The following EYS variants were observed in gnomAD, a reference collection of about 807,000 sequenced individuals.
EYS encodes EGF-like photoreceptor maintenance factor, also known as protein eyes shut homolog.
A neutral mutation model predicts 282.1 loss-of-function variants in EYS; 250 were observed. The observed-to-expected ratio is 0.89, with a 90% CI of 0.80 to 0.98. The LOEUF (loss-of-function observed/expected upper bound fraction) is 0.98. Ranked by LOEUF, EYS falls within the 50% of genes least tolerant of loss-of-function variation. EYS has a pLI of 0.00. For synonymous variants in EYS, 1,355 were observed against 1,282.9 expected (o/e 1.06, Z -1.20); for missense variants, 4,016 against 3,709.0 (o/e 1.08, Z -2.15).
chr6:65,480,598 A>T (rs1420823436), intron 5 of EYS, among the ~76,000 whole-genome samples: 1 of 152,154 alleles, frequency 6.6e-6, no homozygotes, highest in Non-Finnish European at 1.5e-5. Flanking sequence ...TGCATATTAA[A>T]TAGTAGTTAA....
chr6:65,167,136 T>C (rs1320525847), intron 12 of EYS, among the ~76,000 whole-genome samples: 3 of 151,194 alleles, frequency 2.0e-5, no homozygotes, highest in African/African-American at 7.3e-5. Flanking sequence ...TTGGCAGTCC[T>C]TCACAATGTT....
At chr6:64,446,459 A>T (rs1162428787) in intron 26 of EYS, among the ~76,000 whole-genome samples, 2 of 152,148 alleles carry the variant, frequency 1.3e-5, no homozygotes, top group Admixed American at 6.5e-5. Context: ...TTTCTCTCAG[A>T]TTAATTATGA....
At chr6:64,130,249 G>A (rs1479663151) in intron 31 of EYS, among the ~76,000 whole-genome samples, 8 of 152,166 alleles carry the variant, frequency 5.3e-5, no homozygotes, top group African/African-American at 1.2e-4. Flanking sequence ...AACAACGATC[G>A]ACTGGATTAA....
At chr6:65,254,175 T>C (rs915044043) in intron 12 of EYS, among the ~76,000 whole-genome samples, 12 of 151,830 alleles carry the variant, frequency 7.9e-5, no homozygotes, top group Non-Finnish European at 1.5e-4. Flanking sequence ...AGCAGTTGAG[T>C]ATTGCTCTTT....
chr6:64,796,108 A>G (rs1465122028), intron 22 of EYS, among the ~76,000 whole-genome samples: 1 of 152,212 alleles, frequency 6.6e-6, no homozygotes, highest in Non-Finnish European at 1.5e-5. Flanking sequence ...TCTGGATGTT[A>G]TTGAGGCAGT....
At chr6:64,623,489 T>C (rs1045846802) in intron 23 of EYS, among the ~76,000 whole-genome samples, 5 of 152,102 alleles carry the variant, frequency 3.3e-5, no homozygotes, top group African/African-American at 1.2e-4. Flanking sequence ...ACTTAATTAG[T>C]TAATACATCT....
intron 30 of EYS, among the ~76,000 whole-genome samples, chr6:64,259,647 C>T (rs1051765524): frequency 2.9e-5 from 2 of 68,236 alleles, no homozygotes; most frequent in Non-Finnish European, 6.6e-5. Context: ...CTTTTACACA[C>T]GCGCACACAC....
intron 29 of EYS, chr6:64,377,743 A>G (rs1225680241): frequency 1.3e-5 from 2 of 152,122 alleles, no homozygotes; most frequent in Non-Finnish European, 2.9e-5. Context: ...ATGATCTTAC[A>G]TGGCTGAAAC....
intron 2 of EYS, among the ~76,000 whole-genome samples, chr6:65,514,691 A>G (rs571844843): frequency 6.6e-6 from 1 of 152,368 alleles, no homozygotes; most frequent in East Asian, 1.9e-4. Context: ...TGATGGGGAA[A>G]GGACTCCCTA....
chr6:64,603,189 T>C (rs1054969897), intron 24 of EYS, among the ~76,000 whole-genome samples: 3 of 152,042 alleles, frequency 2.0e-5, no homozygotes, highest in Non-Finnish European at 4.4e-5. Flanking sequence ...GGAAAAAAAG[T>C]GCTTACAGGA....
intron 22 of EYS, among the ~76,000 whole-genome samples, chr6:64,702,381 A>G (rs893352659): frequency 5.9e-5 from 9 of 152,118 alleles, no homozygotes; most frequent in African/African-American, 2.2e-4. Context: ...ACATGCACAC[A>G]TGCACAAACA....
intron 28 of EYS, among the ~76,000 whole-genome samples, chr6:64,427,510 T>C (rs753174257): frequency 2.3e-4 from 35 of 152,128 alleles, no homozygotes; most frequent in Admixed American, 5.9e-4. Context: ...TATTGTTGTA[T>C]TGATTTAACT....
chr6:64,518,450 A>G (rs1367591669), intron 26 of EYS, among the ~76,000 whole-genome samples: 3 of 151,754 alleles, frequency 2.0e-5, no homozygotes, highest in Admixed American at 6.6e-5. Context: ...GTAAGTTGAA[A>G]TGTATGGTAT....
intron 5 of EYS, among the ~76,000 whole-genome samples, chr6:65,418,025 G>A (rs1423401866): frequency 1.3e-5 from 2 of 151,964 alleles, no homozygotes; most frequent in African/African-American, 4.8e-5. Context: ...AGGGCTCCCA[G>A]AGCACTGAAT....
intron 2 of EYS, among the ~76,000 whole-genome samples, chr6:65,530,149 T>C (rs544235223): frequency 3.3e-4 from 50 of 152,322 alleles, no homozygotes; most frequent in Middle Eastern, 3.4e-3. Context: ...AAGATTAATA[T>C]AATGAGATAA....
chr6:65,046,957 C>T lies in EYS; in HGVS notation c.2137+10657G>A, dbSNP rs142560121. ...AAGTGTATGGCACCTTCGCCCCTGCCCCACTCTCTCTATCCTCTTGCCATG... is the reference window on the plus strand; with the variant it reads ...AAGTGTATGGCACCTTCGCCCCTGCTCCACTCTCTCTATCCTCTTGCCATG... On this transcript the variant is annotated intron_variant, in intron 13 of 42. Transcript: ENST00000503581. Among the ~76,000 whole-genome samples, 353 of 151,870 alleles carry T rather than the reference C, an allele frequency of 2.3e-3. 2 individuals carry two copies. The highest frequency in any genetic ancestry group is 8.1e-3 in the African/African-American group (334 of 41,460).
At chr6:65,014,609 T>A (rs942725664) in intron 13 of EYS, among the ~76,000 whole-genome samples, 5 of 151,980 alleles carry the variant, frequency 3.3e-5, no homozygotes, top group Non-Finnish European at 7.4e-5. Flanking sequence ...TTCAGGAGAT[T>A]GAAAACAAAT....
chr6:65,271,779 T>C (rs369592103), intron 12 of EYS, among the ~76,000 whole-genome samples: 5 of 151,960 alleles, frequency 3.3e-5, no homozygotes, highest in East Asian at 1.9e-4. Context: ...AGACTGCATT[T>C]CACCACGTTG....
intron 36 of EYS, among the ~76,000 whole-genome samples, chr6:63,838,224 T>C (rs1771858324): frequency 7.1e-6 from 1 of 141,524 alleles, no homozygotes; most frequent in Admixed American, 6.9e-5. Context: ...TTTTCTTTTC[T>C]TTTTTTTTTT....
Sources: gnomAD v4.1 joint callset for allele counts (sites outside exome capture counted in the v4.1 genomes callset) on GRCh38, gnomAD v4.1.1 for gene constraint, MANE v1.5 for transcripts, NCBI Gene and HGNC (gene_info 2026-07-23, HGNC 2026-07-21) for gene names.